The following NEGR1 variants were observed in gnomAD, a reference collection of about 807,000 sequenced individuals.
The protein encoded by NEGR1 is neuronal growth regulator 1.
Under a neutral mutation model 40.9 loss-of-function variants are expected in NEGR1, and 10 were observed. That is an observed-to-expected ratio of 0.24 (90% CI 0.15 to 0.42). The LOEUF (loss-of-function observed/expected upper bound fraction) is 0.42, where lower values mean the gene tolerates loss of function less well. Ranked by LOEUF, NEGR1 falls within the 10% of genes least tolerant of loss-of-function variation. The pLI is 1.00. For missense variants in NEGR1, 352 were observed against 438.9 expected, an observed-to-expected ratio of 0.80 and a Z score of 1.77; for synonymous variants, 185 against 166.8, an observed-to-expected ratio of 1.11 and a Z score of -0.84.
At chr1:71,491,780 T>C (rs776365097) in intron 6 of NEGR1, among the ~76,000 whole-genome samples, 1 of 152,054 alleles carries the variant, frequency 6.6e-6, no homozygotes, top group Non-Finnish European at 1.5e-5. Context: ...ACACCAAATG[T>C]ATAAAACAGA....
At position 71,848,749 on chromosome 1, in the gene NEGR1, A is replaced by G. The variant is rs564924927; in HGVS notation, c.410-72452T>C. 1.6e-3 allele frequency among the ~76,000 whole-genome samples: 238 copies of G among 152,314 alleles called. 1 individual carries two copies. Among genetic ancestry groups the G allele is most frequent in the Non-Finnish European group, 2.7e-3 (187 of 68,022 alleles). ...TAACGAAACATCCTTTTTGTAGCCC[A>G]TGGATCAAGGTGTAAGTTCAACTTT... On this transcript the variant is annotated intron_variant, in intron 2 of 6. Coordinates refer to ENST00000357731, the MANE Select transcript of NEGR1 (RefSeq NM_173808.3).
At chr1:71,800,549 T>C (rs1473395916) in intron 2 of NEGR1, among the ~76,000 whole-genome samples, 1 of 152,218 alleles carries the variant, frequency 6.6e-6, no homozygotes, top group African/African-American at 2.4e-5. Context: ...TTTGTCCCTC[T>C]CCCTATCCCT....
intron 2 of NEGR1, among the ~76,000 whole-genome samples, chr1:71,780,040 CAAAAA>C (rs57576840): frequency 2.0e-5 from 2 of 99,734 alleles, no homozygotes; most frequent in African/African-American, 4.7e-5. Context: ...ATAGGAAAAC[CAAAAA>C]AAAAAAAAAA....
intron 1 of NEGR1, among the ~76,000 whole-genome samples, chr1:71,996,160 C>T (rs1290956462): frequency 6.6e-6 from 1 of 152,000 alleles, no homozygotes; most frequent in Non-Finnish European, 1.5e-5. Flanking sequence ...TATGAAATAA[C>T]ATTTACAACA....
intron 6 of NEGR1, among the ~76,000 whole-genome samples, chr1:71,481,438 A>G (rs1255460167): frequency 1.3e-5 from 2 of 151,942 alleles, no homozygotes; most frequent in African/African-American, 2.4e-5. Context: ...TTGTCCACAT[A>G]TATTGAGTAT....
chr1:71,839,551 G>T (rs949270915), intron 2 of NEGR1, among the ~76,000 whole-genome samples: 25 of 151,778 alleles, frequency 1.6e-4, no homozygotes, highest in South Asian at 2.1e-4. Context: ...TCCTTCAAAG[G>T]CACCAGGGCT....
intron 4 of NEGR1, among the ~76,000 whole-genome samples, chr1:71,677,042 T>C (rs988133675): frequency 1.3e-5 from 2 of 152,228 alleles, no homozygotes; most frequent in Non-Finnish European, 2.9e-5. Context: ...CTTCATTTAT[T>C]TCATCTGTGA....
chr1:71,641,724 C>T (rs577202366), intron 4 of NEGR1, among the ~76,000 whole-genome samples: 72 of 152,066 alleles, frequency 4.7e-4, no homozygotes, highest in Middle Eastern at 6.8e-3. Context: ...CAAGCAGGTG[C>T]GGTACACACT....
intron 3 of NEGR1, among the ~76,000 whole-genome samples, chr1:71,700,699 T>C (rs904483495): frequency 6.6e-6 from 1 of 151,972 alleles, no homozygotes; most frequent in Admixed American, 6.6e-5. Flanking sequence ...AGGTCAGAAA[T>C]CCAGCAGAAG....
chr1:72,074,196 C>G (rs74723743), intron 1 of NEGR1, among the ~76,000 whole-genome samples: 2,332 of 151,988 alleles, frequency 0.015, 58 homozygotes, highest in African/African-American at 0.053. Context: ...AGCTCCAAAA[C>G]TGATAGAGGA....
chr1:72,257,128 C>G (rs1351521394), intron 1 of NEGR1, among the ~76,000 whole-genome samples: 2 of 151,792 alleles, frequency 1.3e-5, no homozygotes, highest in Non-Finnish European at 2.9e-5. Flanking sequence ...TGAGACCATC[C>G]CGGCTAAAAC....
chr1:71,747,484 G>T (rs180901419), intron 3 of NEGR1, among the ~76,000 whole-genome samples: 149 of 151,536 alleles, frequency 9.8e-4, no homozygotes, highest in Middle Eastern at 3.4e-3. Context: ...GAGCGCAGTG[G>T]CATGACCTCA....
chr1:71,846,166 G>A (rs1659401455), intron 2 of NEGR1, among the ~76,000 whole-genome samples: 1 of 151,904 alleles, frequency 6.6e-6, no homozygotes, highest in Non-Finnish European at 1.5e-5. Flanking sequence ...CCTTACTCTA[G>A]GGCTGTCCTC....
chr1:72,206,650 T>G (rs1000528358), intron 1 of NEGR1, among the ~76,000 whole-genome samples: 1 of 152,002 alleles, frequency 6.6e-6, no homozygotes, highest in African/African-American at 2.4e-5. Flanking sequence ...TCAAGACCAT[T>G]AAACAAATGC....
chr1:72,153,095 C>A (rs537852249), intron 1 of NEGR1, among the ~76,000 whole-genome samples: 15 of 151,874 alleles, frequency 9.9e-5, no homozygotes, highest in Non-Finnish European at 1.5e-4. Flanking sequence ...TGTACCAAAC[C>A]TGCACATGTA....
chr1:71,726,169 T>C (rs1391694735), intron 3 of NEGR1, among the ~76,000 whole-genome samples: 1 of 151,546 alleles, frequency 6.6e-6, no homozygotes, highest in South Asian at 2.1e-4. Context: ...CTGGAATTTA[T>C]TTTTTTTTCT....
chr1:72,208,418 C>T (rs1024751042), intron 1 of NEGR1, among the ~76,000 whole-genome samples: 1 of 151,642 alleles, frequency 6.6e-6, no homozygotes, highest in Non-Finnish European at 1.5e-5. Context: ...TAGATTTATT[C>T]ACTCAACTAA....
intron 1 of NEGR1, among the ~76,000 whole-genome samples, chr1:72,250,400 T>C (rs2100529196): frequency 6.6e-6 from 1 of 152,240 alleles, no homozygotes; most frequent in African/African-American, 2.4e-5. Flanking sequence ...AAGCTTAACA[T>C]ATACAAGCAT....
At chr1:71,487,298 G>T (rs548155473) in intron 6 of NEGR1, among the ~76,000 whole-genome samples, 1 of 151,392 alleles carries the variant, frequency 6.6e-6, no homozygotes, top group Non-Finnish European at 1.5e-5. Flanking sequence ...ACTATTGAGC[G>T]GCTACTTTCT....
Sources: allele counts gnomAD v4.1 joint callset (sites outside exome capture counted in the v4.1 genomes callset), GRCh38; gene constraint gnomAD v4.1.1; transcripts MANE v1.5; gene names NCBI Gene and HGNC (gene_info 2026-07-23, HGNC 2026-07-21).